The following PLCL2 variants were observed in gnomAD, a reference collection of about 807,000 sequenced individuals.
PLCL2 encodes the protein phospholipase C like 2.
PLCL2 carries 4 observed loss-of-function variants against 79.6 expected under a neutral mutation model. The observed-to-expected ratio is 0.05, with a 90% confidence interval of 0.02 to 0.11. The LOEUF is 0.11. Ranked by LOEUF, PLCL2 falls within the 10% of genes least tolerant of loss-of-function variation. The pLI is 1.00. For synonymous variants in PLCL2, 484 were observed against 457.7 expected (o/e 1.06, Z -0.73); for missense variants, 895 against 1,291.0 (o/e 0.69, Z 4.70).
rs1260325967 is a variant in PLCL2 at position 17,010,149 on chromosome 3, G to A, written c.803G>A (p.Arg268Lys). 1 of 1,613,400 alleles carries A rather than the reference G, an allele frequency of 6.2e-7. No individual in the cohort carries two copies. Among genetic ancestry groups the A allele is most frequent in the Admixed American group, 1.7e-5 (1 of 60,012 alleles). Reference protein sequence around the residue: ...DMLESSQDNMRTSWVSQMFSE... With the variant: ...DMLESSQDNMKTSWVSQMFSE... Reference sequence around the variant, plus strand: ...TTAGAAAGTAGCCAAGATAACATGAGGACTTCTTGGGTTTCACAAATGTTT... The same window carrying A: ...TTAGAAAGTAGCCAAGATAACATGAAGACTTCTTGGGTTTCACAAATGTTT... The change falls in exon 2 of 6, where the codon AGG becomes AAG. Residue 268 changes from arginine to lysine, a missense_variant. Around this residue, in one of 6 missense-constraint regions of PLCL2, gnomAD observed 129 missense variants for 208.8 expected, o/e 0.62. Coordinates refer to ENST00000615277, the MANE Select transcript of PLCL2 (RefSeq NM_001144382.2). The surrounding 1 kb of genome is among the most constrained non-coding windows in gnomAD (Gnocchi z 5.8).
intron 2 of PLCL2, 58 bp from the exon 3 acceptor site, chr3:17,014,650 C>A: frequency 1.6e-6 from 2 of 1,279,222 alleles, no homozygotes; most frequent in Non-Finnish European, 2.3e-6. Context: ...AATATAATAT[C>A]CATGAGAAAG....
chr3:17,033,176 T>A (rs749057575), intron 3 of PLCL2, among the ~76,000 whole-genome samples: 17 of 152,130 alleles, frequency 1.1e-4, no homozygotes, highest in Admixed American at 2.0e-4. Context: ...TATGAAAAGT[T>A]AGAGTATATT....
chr3:16,903,053 G>A (rs774437542), intron 1 of PLCL2, among the ~76,000 whole-genome samples: 12 of 152,054 alleles, frequency 7.9e-5, no homozygotes, highest in South Asian at 6.2e-4. Context: ...TTTGTTTTTC[G>A]TAGGAAAGGT....
At chr3:16,997,501 G>A (rs2064165626) in intron 1 of PLCL2, among the ~76,000 whole-genome samples, 1 of 149,434 alleles carries the variant, frequency 6.7e-6, no homozygotes, top group South Asian at 2.1e-4. Flanking sequence ...CAATCTAATT[G>A]TCCCCCTCCA....
At chr3:17,060,372 G>T (rs2064938477) in intron 4 of PLCL2, among the ~76,000 whole-genome samples, 2 of 152,316 alleles carry the variant, frequency 1.3e-5, no homozygotes, top group East Asian at 1.9e-4. Context: ...TGTGGAATGG[G>T]ATTTAACAGT....
At chr3:17,045,605 C>T (rs1441735154) in intron 4 of PLCL2, among the ~76,000 whole-genome samples, 1 of 152,130 alleles carries the variant, frequency 6.6e-6, no homozygotes, top group Non-Finnish European at 1.5e-5. Context: ...AGGCAGCCTG[C>T]CTGCATAGTC....
chr3:16,926,637 CT>C (rs67641213), intron 1 of PLCL2, among the ~76,000 whole-genome samples: 291 of 144,742 alleles, frequency 2.0e-3, no homozygotes, highest in African/African-American at 4.4e-3. Flanking sequence ...TAATCAAAAC[CT>C]TTTTTTTTTT....
chr3:17,026,890 C>T (rs969148556), intron 3 of PLCL2, among the ~76,000 whole-genome samples: 1 of 151,572 alleles, frequency 6.6e-6, no homozygotes, highest in Non-Finnish European at 1.5e-5. Flanking sequence ...ATAAATAGAT[C>T]GTTTATCTTG....
chr3:17,064,305 A>G (rs2064985862), intron 4 of PLCL2, among the ~76,000 whole-genome samples: 1 of 152,170 alleles, frequency 6.6e-6, no homozygotes. Context: ...TCAAATGTAT[A>G]ATCTCATTCT....
chr3:16,979,357 T>TTAA (rs755472408), intron 1 of PLCL2, among the ~76,000 whole-genome samples: 3,673 of 18,626 alleles, frequency 0.2, 133 homozygotes, highest in African/African-American at 0.45. Flanking sequence ...TTTTTTTTTT[T>TTAA]TTAATCATTC....
chr3:17,073,008 A>T (rs981452340), intron 5 of PLCL2, among the ~76,000 whole-genome samples: 2 of 152,216 alleles, frequency 1.3e-5, no homozygotes, highest in Non-Finnish European at 2.9e-5. Context: ...GAGAGGGTGT[A>T]ATCCATTCCC....
chr3:17,061,426 T>C (rs2064952748), intron 4 of PLCL2, among the ~76,000 whole-genome samples: 2 of 152,214 alleles, frequency 1.3e-5, no homozygotes, highest in African/African-American at 4.8e-5. Context: ...GTACTAAATG[T>C]TCTGAGTTAA....
At chr3:16,982,985 T>C (rs915952360) in intron 1 of PLCL2, among the ~76,000 whole-genome samples, 1 of 152,232 alleles carries the variant, frequency 6.6e-6, no homozygotes, top group East Asian at 1.9e-4. Context: ...TAGTGGGCTT[T>C]TGTTTTGAAT....
rs1266399389 is a variant in PLCL2, at chr3:17,001,816, T to G, written c.328-7858T>G. On this transcript the variant is annotated intron_variant, in intron 1 of 5. Transcript: ENST00000615277. ...ATGCCTCCAGCTTTGTTCTTTTTAC[T>G]CAGTATTGCTTTGGCTATTTGGGGT... 2.0e-5 allele frequency among the ~76,000 whole-genome samples: 3 copies of G among 152,162 alleles called. No individual in the cohort carries two copies. The East Asian group carries it at 5.8e-4, about 29-fold the overall frequency.
intron 1 of PLCL2, among the ~76,000 whole-genome samples, chr3:16,932,088 T>G (rs2124943286): frequency 6.6e-6 from 1 of 152,278 alleles, no homozygotes; most frequent in East Asian, 1.9e-4. Context: ...CTTCCAGCCT[T>G]CAGAACTGTG....
intron 3 of PLCL2, among the ~76,000 whole-genome samples, chr3:17,021,619 CA>C (rs2064454879): frequency 2.6e-5 from 4 of 151,806 alleles, no homozygotes; most frequent in African/African-American, 9.7e-5. Flanking sequence ...CACACACACA[CA>C]CACACACACA....
intron 1 of PLCL2, among the ~76,000 whole-genome samples, chr3:16,901,227 C>T (rs1480669927): frequency 6.6e-6 from 1 of 152,196 alleles, no homozygotes; most frequent in Non-Finnish European, 1.5e-5. Context: ...ATTCTGGAAG[C>T]CACCTGTTGC....
intron 3 of PLCL2, among the ~76,000 whole-genome samples, chr3:17,031,929 CTTTTTTT>C (rs35640259): frequency 5.5e-5 from 6 of 109,048 alleles, no homozygotes; most frequent in African/African-American, 1.8e-4. Context: ...CAATTTTCAC[CTTTTTTT>C]TTTTTTTTTT....
chr3:17,042,316 T>C (rs796821309), intron 3 of PLCL2, among the ~76,000 whole-genome samples: 2 of 152,190 alleles, frequency 1.3e-5, no homozygotes, highest in African/African-American at 2.4e-5. Flanking sequence ...GAATTCAAAT[T>C]TGAACATTTT....
Sources: allele counts gnomAD v4.1 joint callset (sites outside exome capture counted in the v4.1 genomes callset), GRCh38; gene constraint gnomAD v4.1.1; regional missense constraint gnomAD v4.1.1; non-coding constraint Gnocchi (gnomAD v3.1); transcripts MANE v1.5; gene names NCBI Gene and HGNC (gene_info 2026-07-23, HGNC 2026-07-21).